The following CDC42BPA variants were observed in gnomAD, a reference collection of about 807,000 sequenced individuals.
CDC42BPA encodes serine/threonine-protein kinase MRCK alpha.
Under a neutral mutation model 223.5 loss-of-function variants are expected in CDC42BPA, and 80 were observed. The observed-to-expected ratio is 0.36, with a 90% CI of 0.30 to 0.43. CDC42BPA has a LOEUF of 0.43. CDC42BPA is among the 20% of genes least tolerant of loss of function. The pLI is 1.00. For synonymous variants in CDC42BPA, 694 were observed against 718.6 expected (o/e 0.97, Z 0.55); for missense variants, 1,743 against 2,099.9 (o/e 0.83, Z 3.32).
intron 9 of CDC42BPA, among the ~76,000 whole-genome samples, chr1:227,140,555 G>C (rs998033507): frequency 1.3e-5 from 2 of 152,028 alleles, no homozygotes; most frequent in Non-Finnish European, 2.9e-5. Context: ...GCCCAGAAAG[G>C]AGGCCTGTGT....
At chr1:227,142,088 A>T (rs1442488442) in intron 9 of CDC42BPA, among the ~76,000 whole-genome samples, 1 of 152,248 alleles carries the variant, frequency 6.6e-6, no homozygotes, top group Non-Finnish European at 1.5e-5. Flanking sequence ...CATGAATTTA[A>T]AGTAGACCAG....
At chr1:227,171,216 C>G (rs1666039932) in intron 5 of CDC42BPA, among the ~76,000 whole-genome samples, 2 of 152,174 alleles carry the variant, frequency 1.3e-5, no homozygotes, top group African/African-American at 4.8e-5. Flanking sequence ...AACATGTACA[C>G]TAATTAAAGT....
intron 2 of CDC42BPA, among the ~76,000 whole-genome samples, chr1:227,249,859 A>C (rs1039476472): frequency 2.6e-5 from 4 of 152,168 alleles, no homozygotes; most frequent in Non-Finnish European, 5.9e-5. Flanking sequence ...TACAAAAAAA[A>C]CAGAATGACG....
intron 3 of CDC42BPA, among the ~76,000 whole-genome samples, chr1:227,205,952 G>A (rs1306144231): frequency 1.3e-5 from 2 of 152,168 alleles, no homozygotes; most frequent in East Asian, 1.9e-4. Flanking sequence ...CCAGGCTAAG[G>A]TGGGAGGATC....
At chr1:227,264,353 T>A (rs1301632303) in intron 1 of CDC42BPA, among the ~76,000 whole-genome samples, 1 of 151,472 alleles carries the variant, frequency 6.6e-6, no homozygotes, top group Non-Finnish European at 1.5e-5. Flanking sequence ...CTGAGGATCA[T>A]GTACTGCTTT....
chr1:227,315,149 TTTC>T (rs1161883566), intron 1 of CDC42BPA, among the ~76,000 whole-genome samples: 20 of 152,034 alleles, frequency 1.3e-4, no homozygotes, highest in South Asian at 6.2e-4. Context: ...CATTCTTAAC[TTTC>T]TTTTTACTCT....
intron 10 of CDC42BPA, among the ~76,000 whole-genome samples, chr1:227,132,985 G>A (rs1490338100): frequency 3.3e-5 from 5 of 150,914 alleles, no homozygotes; most frequent in Admixed American, 2.6e-4. Context: ...CAGCCACCCC[G>A]TCTGGGAAGT....
At chr1:227,259,236 T>A (rs7542505) in intron 1 of CDC42BPA, among the ~76,000 whole-genome samples, 19,152 of 150,748 alleles carry the variant, frequency 0.13, 1,753 homozygotes, top group Middle Eastern at 0.21. Flanking sequence ...TGAACCAATA[T>A]GGAAATCTGA....
chr1:227,035,502 C>T lies in CDC42BPA; in HGVS notation c.3305G>A (p.Gly1102Glu). ...ATGACCTTCATATGCTGTTCCTATT[C>T]CTTTCTGAGGATCTATACCCAGGGG... The part of the protein sequence containing the change: ...KGPLGIDPQK[G>E]IGTAYEGHVR... Residue 1102 changes from glycine to glutamate, a missense_variant, in exon 25 of 37, where the codon GGA becomes GAA. Transcript: ENST00000366766. The T allele has an allele frequency of 6.2e-7, 1 of 1,610,990 alleles. No homozygotes were observed. Among genetic ancestry groups the T allele is most frequent in the Non-Finnish European group, 8.5e-7 (1 of 1,179,076 alleles).
intron 1 of CDC42BPA, among the ~76,000 whole-genome samples, chr1:227,277,167 T>C (rs1157342610): frequency 6.6e-6 from 1 of 150,894 alleles, no homozygotes; most frequent in Non-Finnish European, 1.5e-5. Context: ...TGAAAAAATG[T>C]ACGCCAATAA....
chr1:227,044,794 C>A (rs1445894743), intron 23 of CDC42BPA, among the ~76,000 whole-genome samples: 2 of 152,086 alleles, frequency 1.3e-5, no homozygotes, highest in Non-Finnish European at 2.9e-5. Flanking sequence ...ACTAGAGAAT[C>A]ATTATTCACT....
intron 32 of CDC42BPA, among the ~76,000 whole-genome samples, chr1:227,019,305 G>A (rs921544860): frequency 2.6e-5 from 4 of 151,856 alleles, no homozygotes; most frequent in African/African-American, 4.8e-5. Flanking sequence ...TTTATCATGC[G>A]ATTGCAGCAA....
chr1:227,045,145 T>C (rs1376555959), intron 23 of CDC42BPA, among the ~76,000 whole-genome samples: 1 of 152,232 alleles, frequency 6.6e-6, no homozygotes, highest in Non-Finnish European at 1.5e-5. Flanking sequence ...CTTGTTCTGG[T>C]AGAACTAATT....
intron 31 of CDC42BPA, among the ~76,000 whole-genome samples, chr1:227,024,138 G>C (rs986030411): frequency 2.6e-5 from 4 of 152,050 alleles, no homozygotes; most frequent in African/African-American, 9.7e-5. Flanking sequence ...GAAAAATATG[G>C]CCAATCCAAT....
chr1:227,283,369 G>A (rs1276478642), intron 1 of CDC42BPA, among the ~76,000 whole-genome samples: 1 of 151,972 alleles, frequency 6.6e-6, no homozygotes, highest in Admixed American at 6.6e-5. Flanking sequence ...AAAATGGCAG[G>A]CTTACTCTTC....
chr1:227,265,168 G>A (rs1015023145), intron 1 of CDC42BPA: 4 of 692,020 alleles, frequency 5.8e-6, no homozygotes, highest in Non-Finnish European at 1.1e-5. Flanking sequence ...CACAGTGGTA[G>A]GAAGACCAGC....
intron 1 of CDC42BPA, among the ~76,000 whole-genome samples, chr1:227,262,929 C>T (rs1453216962): frequency 6.6e-6 from 1 of 152,114 alleles, no homozygotes; most frequent in Non-Finnish European, 1.5e-5. Flanking sequence ...AGATTTTTAA[C>T]AATTTTTATG....
At chr1:227,258,231 A>T (rs1683444213) in intron 1 of CDC42BPA, among the ~76,000 whole-genome samples, 1 of 150,294 alleles carries the variant, frequency 6.7e-6, no homozygotes, top group Non-Finnish European at 1.5e-5. Context: ...CCCCCAAATA[A>T]TTGTAACACC....
At chr1:227,228,297 T>C (rs1272202600) in intron 2 of CDC42BPA, among the ~76,000 whole-genome samples, 1 of 152,254 alleles carries the variant, frequency 6.6e-6, no homozygotes, top group Non-Finnish European at 1.5e-5. Flanking sequence ...CTTTTTGTTC[T>C]GACTTCTTTC....
Sources: allele counts gnomAD v4.1 joint callset (sites outside exome capture counted in the v4.1 genomes callset), GRCh38; gene constraint gnomAD v4.1.1; transcripts MANE v1.5; gene names NCBI Gene and HGNC (gene_info 2026-07-23, HGNC 2026-07-21).